Variants in ZNF521 observed in about 807,000 individuals in gnomAD.
ZNF521 encodes the protein zinc finger protein 521.
A neutral mutation model predicts 105.5 loss-of-function variants in ZNF521; 14 were observed. The observed-to-expected ratio is 0.13, with a 90% CI of 0.09 to 0.21. ZNF521 has a LOEUF of 0.21. Ranked by LOEUF, ZNF521 falls within the 10% of genes least tolerant of loss-of-function variation. The pLI, the probability that ZNF521 is intolerant of heterozygous loss-of-function variation, is 1.00. For synonymous variants in ZNF521, 635 were observed against 606.0 expected, an observed-to-expected ratio of 1.05 and a Z score of -0.70; for missense variants, 1,233 against 1,629.7, an observed-to-expected ratio of 0.76 and a Z score of 4.19.
chr18:25,341,918 T>A (rs564692303), intron 2 of ZNF521, among the ~76,000 whole-genome samples: 6 of 152,160 alleles, frequency 3.9e-5, no homozygotes, highest in Non-Finnish European at 8.8e-5. Flanking sequence ...GTGCCTGGGA[T>A]AAGACGGGCA....
chr18:25,243,270 C>A (rs1907473079), intron 3 of ZNF521, among the ~76,000 whole-genome samples: 1 of 152,094 alleles, frequency 6.6e-6, no homozygotes. Flanking sequence ...GCTTAAAAAG[C>A]CAAATTAAAT....
intron 3 of ZNF521, among the ~76,000 whole-genome samples, chr18:25,256,021 G>C (rs1254925066): frequency 6.8e-6 from 1 of 146,326 alleles, no homozygotes; most frequent in Non-Finnish European, 1.5e-5. Context: ...TATATATATG[G>C]TATATATATG....
intron 3 of ZNF521, among the ~76,000 whole-genome samples, chr18:25,298,971 G>A (rs530199859): frequency 1.3e-5 from 2 of 152,224 alleles, no homozygotes; most frequent in South Asian, 4.1e-4. Context: ...CACAAACATG[G>A]ATACACCTTG....
intron 3 of ZNF521, among the ~76,000 whole-genome samples, chr18:25,306,902 T>C (rs1198959303): frequency 6.6e-6 from 1 of 150,904 alleles, no homozygotes; most frequent in Non-Finnish European, 1.5e-5. Context: ...CTTTGGGTTC[T>C]GGCCTAAGTA....
chr18:25,254,559 C>T (rs77412412), intron 3 of ZNF521, among the ~76,000 whole-genome samples: 3,745 of 152,142 alleles, frequency 0.025, 68 homozygotes, highest in South Asian at 0.041. Flanking sequence ...GTCCTTCTCC[C>T]TGGTAATTTA....
intron 5 of ZNF521, among the ~76,000 whole-genome samples, chr18:25,163,998 G>C (rs1017869096): frequency 2.0e-5 from 3 of 152,166 alleles, no homozygotes; most frequent in Non-Finnish European, 2.9e-5. Flanking sequence ...TGCCTGAGCA[G>C]CTGAAATCAT....
rs74427370 is a variant in ZNF521, at chr18:25,321,178, G to A, written c.220+830C>T. Among the ~76,000 whole-genome samples the A allele has an allele frequency of 4.2e-3, 635 of 152,206 alleles. 3 individuals are homozygous for A. Among genetic ancestry groups the A allele is most frequent in the Middle Eastern group, 0.01 (3 of 294 alleles). ...CACACACATACACACACATAGGAGT[G>A]GCATCAGCTTCAAACAGAAAGAGCA... On this transcript the variant is annotated intron_variant, in intron 3 of 7. Transcript: ENST00000361524.
intron 4 of ZNF521, among the ~76,000 whole-genome samples, chr18:25,219,696 A>G (rs1052992811): frequency 6.6e-6 from 1 of 152,180 alleles, no homozygotes. Context: ...ATGAGCCTGT[A>G]GTCTCAGCTA....
chr18:25,265,877 C>T (rs973394010), intron 3 of ZNF521, among the ~76,000 whole-genome samples: 10 of 152,130 alleles, frequency 6.6e-5, no homozygotes, highest in Admixed American at 5.9e-4. Flanking sequence ...AAGATCCTGT[C>T]GTTTGCAACA....
chr18:25,143,093 C>T (rs2034879823), intron 5 of ZNF521, among the ~76,000 whole-genome samples: 1 of 152,180 alleles, frequency 6.6e-6, no homozygotes, highest in African/African-American at 2.4e-5. Context: ...ATCTGATGCT[C>T]CGCAAAACTT....
chr18:25,280,115 C>G (rs1022703214), intron 3 of ZNF521, among the ~76,000 whole-genome samples: 2 of 152,242 alleles, frequency 1.3e-5, no homozygotes, highest in African/African-American at 4.8e-5. Flanking sequence ...CCATGCTCCT[C>G]TACAGTCACC....
chr18:25,207,846 T>C (rs920265768), intron 4 of ZNF521, among the ~76,000 whole-genome samples: 2 of 152,186 alleles, frequency 1.3e-5, no homozygotes, highest in Non-Finnish European at 2.9e-5. Context: ...TTACTGATAA[T>C]ATATTGCATA....
chr18:25,288,469 G>A (rs1016781087), intron 3 of ZNF521, among the ~76,000 whole-genome samples: 1 of 150,776 alleles, frequency 6.6e-6, no homozygotes, highest in Non-Finnish European at 1.5e-5. Flanking sequence ...AGGGAAATTC[G>A]CTTTCCAGAT....
chr18:25,245,565 GT>G (rs1352927256), intron 3 of ZNF521, among the ~76,000 whole-genome samples: 2 of 152,286 alleles, frequency 1.3e-5, no homozygotes, highest in South Asian at 4.1e-4. Flanking sequence ...TTGTATTCAA[GT>G]TTATTCATTC....
intron 4 of ZNF521, among the ~76,000 whole-genome samples, chr18:25,206,273 GCT>G (rs1209761762): frequency 6.6e-6 from 1 of 152,114 alleles, no homozygotes; most frequent in East Asian, 1.9e-4. Flanking sequence ...CTCTCAAAGT[GCT>G]GGGATTACAG....
chr18:25,256,643 G>C (rs538673130), intron 3 of ZNF521, among the ~76,000 whole-genome samples: 1 of 151,976 alleles, frequency 6.6e-6, no homozygotes, highest in Non-Finnish European at 1.5e-5. Flanking sequence ...CTACAGGAGC[G>C]AAGTGCGGGG....
At chr18:25,333,846 G>A (rs915452227) in intron 2 of ZNF521, among the ~76,000 whole-genome samples, 2 of 152,182 alleles carry the variant, frequency 1.3e-5, no homozygotes, top group African/African-American at 4.8e-5. Context: ...CAGGCAGTGT[G>A]GTATTACCAG....
intron 3 of ZNF521, among the ~76,000 whole-genome samples, chr18:25,260,217 T>TG (rs1908813577): frequency 6.6e-6 from 1 of 152,174 alleles, no homozygotes; most frequent in South Asian, 2.1e-4. Context: ...ATGTGCCCCA[T>TG]GTCTCATACA....
intron 5 of ZNF521, among the ~76,000 whole-genome samples, chr18:25,113,069 A>G (rs79714364): frequency 1.5e-5 from 1 of 66,028 alleles, no homozygotes; most frequent in Non-Finnish European, 4.6e-5. Flanking sequence ...AAATCGGCAT[A>G]GGGGAAAGGG....
Sources: allele counts gnomAD v4.1 joint callset (sites outside exome capture counted in the v4.1 genomes callset), GRCh38; gene constraint gnomAD v4.1.1; transcripts MANE v1.5; gene names NCBI Gene and HGNC (gene_info 2026-07-23, HGNC 2026-07-21).